PCDHA5: variants seen among roughly 807,000 people sequenced by gnomAD.
PCDHA5 encodes the protein protocadherin alpha 5.
In PCDHA5, 43 loss-of-function variants were observed where a neutral mutation model predicts 61.6. That is an observed-to-expected ratio of 0.70 (90% CI 0.55 to 0.90). The LOEUF is 0.90. Among genes scored for constraint, PCDHA5 ranks in the 40% least tolerant of loss-of-function variants. The pLI, the probability that PCDHA5 is intolerant of heterozygous loss-of-function variation, is 0.00. For missense variants in PCDHA5, 1,298 were observed against 1,222.7 expected (o/e 1.06, Z -0.92); for synonymous variants, 627 against 543.9 (o/e 1.15, Z -2.13).
At chr5:140,832,176 A>G (rs1421267980) in intron 1 of PCDHA5, among the ~76,000 whole-genome samples, 1 of 152,234 alleles carries the variant, frequency 6.6e-6, no homozygotes, top group African/African-American at 2.4e-5. Flanking sequence ...AGTTTTATGA[A>G]TTCAAAAGAC....
rs2098416049 is a variant in PCDHA5, at chr5:141,010,101, T to G, written c.*164T>G. The G allele has an allele frequency of 6.2e-6, 10 of 1,612,488 alleles. No homozygotes were observed. Among genetic ancestry groups the G allele is most frequent in the Non-Finnish European group, 8.5e-6 (10 of 1,179,154 alleles). ...GTCTGTCTAGAACGCATTTAACAGG[T>G]TTTGTCGTAAAAGCTTTACTAAGTC... On this transcript the variant is annotated 3_prime_UTR_variant, in exon 4 of 4. Transcript: ENST00000529859.
chr5:140,977,464 T>C (rs1245985019), intron 1 of PCDHA5, among the ~76,000 whole-genome samples: 1 of 152,256 alleles, frequency 6.6e-6, no homozygotes, highest in Non-Finnish European at 1.5e-5. Flanking sequence ...TGATTTGGTC[T>C]GTAGATAATT....
chr5:140,926,914 G>A (rs1563085125), intron 1 of PCDHA5: 7 of 1,565,570 alleles, frequency 4.5e-6, no homozygotes, highest in African/African-American at 1.4e-5. Context: ...TGGGGTGGCA[G>A]TTTTATGTTT....
chr5:140,842,516 T>A (rs530202531), intron 1 of PCDHA5: 1 of 1,613,504 alleles, frequency 6.2e-7, no homozygotes, highest in African/African-American at 1.3e-5. Context: ...CAAGCTGGTG[T>A]CCACCTTCAA....
At chr5:141,005,469 C>T (rs549630927) in intron 3 of PCDHA5, among the ~76,000 whole-genome samples, 2 of 151,656 alleles carry the variant, frequency 1.3e-5, no homozygotes, top group South Asian at 2.1e-4. Flanking sequence ...TTTGGGAGGC[C>T]GAGACGGGCG....
intron 1 of PCDHA5, chr5:140,841,491 C>G: frequency 6.2e-7 from 1 of 1,613,066 alleles, no homozygotes; most frequent in Non-Finnish European, 8.5e-7. Flanking sequence ...CTGGAGCTGG[C>G]GGAGCTGGTG....
rs2098417240 is a variant in PCDHA5 at position 141,010,418 on chromosome 5, G to A, written c.*481G>A. Reference sequence around the variant, plus strand: ...AGCCAGCTTAGACTAATTGGTACAAGGAAGGCAAGAAAACAAAGACAAATA... The same window carrying A: ...AGCCAGCTTAGACTAATTGGTACAAAGAAGGCAAGAAAACAAAGACAAATA... On this transcript the variant is annotated 3_prime_UTR_variant, in exon 4 of 4. Coordinates refer to ENST00000529859, the MANE Select transcript of PCDHA5 (RefSeq NM_018908.3). The A allele has an allele frequency of 3.4e-6, 4 of 1,168,142 alleles. No homozygotes were observed. The East Asian group carries it at 1.0e-4, about 30-fold the overall frequency. The allele number at this position is 1,168,142 out of a possible 1,614,324, so 72.4% of individuals were successfully genotyped here. A position where few individuals can be genotyped will look rare whatever the true frequency, so the allele number is the denominator to read the frequency against.
chr5:140,851,507 AAT>A, intron 1 of PCDHA5: 1 of 903,816 alleles, frequency 1.1e-6, no homozygotes, highest in Non-Finnish European at 1.3e-6. Flanking sequence ...ACTTATATAA[AAT>A]ATGTTTTAAA....
chr5:140,832,113 T>G (rs1554133464), intron 1 of PCDHA5, among the ~76,000 whole-genome samples: 1 of 152,230 alleles, frequency 6.6e-6, no homozygotes, highest in Non-Finnish European at 1.5e-5. Flanking sequence ...TAAAAGCAAT[T>G]TAAAATGTGT....
At chr5:140,937,878 C>G (rs2091818368) in intron 1 of PCDHA5, among the ~76,000 whole-genome samples, 1 of 150,504 alleles carries the variant, frequency 6.6e-6, no homozygotes, top group Admixed American at 6.6e-5. Context: ...CGCCACTGCA[C>G]TCCAGCCTGG....
chr5:140,836,758 G>C, intron 1 of PCDHA5: 1 of 1,572,510 alleles, frequency 6.4e-7, no homozygotes, highest in South Asian at 1.2e-5. Context: ...AAATAATCTT[G>C]TTTCCAACAA....
chr5:140,835,632 A>G (rs2150240011), intron 1 of PCDHA5: 1 of 1,613,722 alleles, frequency 6.2e-7, no homozygotes. Flanking sequence ...GGACCGCGAG[A>G]GTGTGTCCGC....
At chr5:140,935,178 G>C (rs2090229039) in intron 1 of PCDHA5, among the ~76,000 whole-genome samples, 2 of 152,146 alleles carry the variant, frequency 1.3e-5, no homozygotes, top group African/African-American at 4.8e-5. Context: ...GCTTATTGCT[G>C]CTGGGTCAGT....
chr5:140,876,899 C>G (rs781884794), intron 1 of PCDHA5: 1 of 1,614,092 alleles, frequency 6.2e-7, no homozygotes, highest in South Asian at 1.1e-5. Context: ...CACATCTTCA[C>G]GGTGTCGGCA....
At chr5:140,877,103 C>T (rs782607272) in intron 1 of PCDHA5, 7 of 1,613,552 alleles carry the variant, frequency 4.3e-6, no homozygotes, top group Non-Finnish European at 5.9e-6. Flanking sequence ...GGCGTGCCGC[C>T]TCTGGGCAGC....
In PCDHA5 at chr5:140,858,343, G is replaced by A. The variant is rs1554151440; in HGVS notation, c.2352+34216G>A. On this transcript the variant is annotated intron_variant, in intron 1 of 3. Coordinates refer to ENST00000529859, the MANE Select transcript of PCDHA5 (RefSeq NM_018908.3). ...GTTCTGGGGAGGGCCTGCCCAAGGC[G>A]GACCTCATGGCCTTCAGCCCCAGCC... 9 of 1,594,924 alleles carry A rather than the reference G, an allele frequency of 5.6e-6. 1 individual carries two copies. The highest frequency in any genetic ancestry group is 6.9e-6 in the Non-Finnish European group (8 of 1,165,636).
chr5:140,858,038 G>A, intron 1 of PCDHA5: 1 of 1,596,684 alleles, frequency 6.3e-7, no homozygotes, highest in East Asian at 2.2e-5. Context: ...CACGGCCACT[G>A]TGCTTGTGTC....
At chr5:140,916,321 C>T (rs1302078048) in intron 1 of PCDHA5, among the ~76,000 whole-genome samples, 1 of 152,160 alleles carries the variant, frequency 6.6e-6, no homozygotes, top group Non-Finnish European at 1.5e-5. Flanking sequence ...AGACAAAGTC[C>T]CCTTTACTTT....
intron 1 of PCDHA5, chr5:140,929,542 C>A (rs2086218387): frequency 1.9e-6 from 1 of 536,790 alleles, no homozygotes; most frequent in Non-Finnish European, 3.0e-6. Context: ...GAAACAAGGG[C>A]AAAAATTAAA....
Sources: allele counts gnomAD v4.1 joint callset (sites outside exome capture counted in the v4.1 genomes callset), GRCh38; gene constraint gnomAD v4.1.1; transcripts MANE v1.5; gene names NCBI Gene and HGNC (gene_info 2026-07-23, HGNC 2026-07-21).